Variants in XKR4 observed in about 807,000 individuals in gnomAD.
XKR4 encodes XK-related protein 4.
XKR4 carries 12 observed loss-of-function variants against 53.9 expected under a neutral mutation model. The observed-to-expected ratio is 0.22, with a 90% CI of 0.14 to 0.36. The LOEUF (loss-of-function observed/expected upper bound fraction) is 0.36, where lower values mean the gene tolerates loss of function less well. XKR4 is among the 10% of genes least tolerant of loss of function. The pLI, the probability that XKR4 is intolerant of heterozygous loss-of-function variation, is 1.00. For missense variants in XKR4, 799 were observed against 859.5 expected, an observed-to-expected ratio of 0.93 and a Z score of 0.88; for synonymous variants, 354 against 362.4, an observed-to-expected ratio of 0.98 and a Z score of 0.26.
chr8:55,286,912 C>A (rs1299297858), intron 1 of XKR4, among the ~76,000 whole-genome samples: 2 of 152,042 alleles, frequency 1.3e-5, no homozygotes, highest in African/African-American at 2.4e-5. Flanking sequence ...AAGTGATCAG[C>A]TACAGATTTT....
chr8:55,517,012 A>C, intron 2 of XKR4, among the ~76,000 whole-genome samples: 1 of 152,168 alleles, frequency 6.6e-6, no homozygotes, highest in Admixed American at 6.5e-5. Flanking sequence ...ATCCTAAGTG[A>C]AATAACTCAG....
At chr8:55,500,031 T>C (rs1806411873) in intron 2 of XKR4, among the ~76,000 whole-genome samples, 2 of 152,126 alleles carry the variant, frequency 1.3e-5, no homozygotes, top group Admixed American at 6.5e-5. Flanking sequence ...CCATCTTCCT[T>C]CTCTAGAGCT....
chr8:55,368,294 C>T (rs953131412), intron 2 of XKR4, among the ~76,000 whole-genome samples: 1 of 152,156 alleles, frequency 6.6e-6, no homozygotes, highest in Non-Finnish European at 1.5e-5. Context: ...CTCGTTAAAA[C>T]TCCCTGGGGA....
chr8:55,287,192 A>T (rs1009255903), intron 1 of XKR4, among the ~76,000 whole-genome samples: 3 of 152,148 alleles, frequency 2.0e-5, no homozygotes, highest in Admixed American at 2.0e-4. Flanking sequence ...TACAAAAACA[A>T]ATCACCAAAC....
At chr8:55,259,691 C>A (rs1042730822) in intron 1 of XKR4, among the ~76,000 whole-genome samples, 19 of 152,060 alleles carry the variant, frequency 1.2e-4, no homozygotes, top group African/African-American at 4.6e-4. Flanking sequence ...AAATTATTAG[C>A]CCTATTGATC....
chr8:55,438,310 G>A (rs1805207639), intron 2 of XKR4, among the ~76,000 whole-genome samples: 1 of 152,078 alleles, frequency 6.6e-6, no homozygotes, highest in Non-Finnish European at 1.5e-5. Context: ...ACAAAGAGAG[G>A]ATTGTGGTAG....
chr8:55,467,685 T>C (rs532328636), intron 2 of XKR4, among the ~76,000 whole-genome samples: 2 of 152,172 alleles, frequency 1.3e-5, no homozygotes, highest in Non-Finnish European at 2.9e-5. Flanking sequence ...CAGGCAAATG[T>C]TGTTGGCTTG....
In XKR4 at chr8:55,533,267, G is replaced by A. The variant is rs896489942; in HGVS notation, c.*9040G>A. 1 of 152,136 alleles carries A rather than the reference G, an allele frequency of 6.6e-6. No individual in the cohort carries two copies. The highest frequency in any genetic ancestry group is 2.4e-5 in the African/African-American group (1 of 41,428). 9.4% of individuals were successfully genotyped at this position (152,136 alleles called of 1,614,324 possible). A position where few individuals can be genotyped will look rare whatever the true frequency, so the allele number is the denominator to read the frequency against. On this transcript the variant is annotated 3_prime_UTR_variant, in exon 3 of 3. Coordinates refer to ENST00000327381, the MANE Select transcript of XKR4 (RefSeq NM_052898.2). ...AACCTTTGACCTGTGGTTTTCTGCTGAGCCCCTTGTGATTTTTTTTATTCT... is the reference window on the plus strand; with the variant it reads ...AACCTTTGACCTGTGGTTTTCTGCTAAGCCCCTTGTGATTTTTTTTATTCT...
chr8:55,512,567 AAT>A (rs1806644730), intron 2 of XKR4, among the ~76,000 whole-genome samples: 2 of 152,288 alleles, frequency 1.3e-5, no homozygotes, highest in East Asian at 1.9e-4. Flanking sequence ...GTATGTTGCA[AAT>A]ATATGTCTGT....
chr8:55,185,413 A>T (rs926897120), intron 1 of XKR4, among the ~76,000 whole-genome samples: 9 of 152,202 alleles, frequency 5.9e-5, no homozygotes, highest in Non-Finnish European at 1.5e-5. Context: ...CCTTTTCAAT[A>T]AACTATTTTT....
At chr8:55,104,466 ATG>A (rs1816110884) in intron 1 of XKR4, among the ~76,000 whole-genome samples, 1 of 152,180 alleles carries the variant, frequency 6.6e-6, no homozygotes, top group Non-Finnish European at 1.5e-5. Context: ...GTGATAAAAG[ATG>A]TGAGTTCTTG....
chr8:55,254,187 G>GAT (rs1288358285), intron 1 of XKR4, among the ~76,000 whole-genome samples: 2 of 151,948 alleles, frequency 1.3e-5, no homozygotes, highest in Non-Finnish European at 2.9e-5. Flanking sequence ...GAAAGAGAGA[G>GAT]ATATATATAG....
chr8:55,293,921 T>C (rs1419811551), intron 1 of XKR4, among the ~76,000 whole-genome samples: 1 of 152,242 alleles, frequency 6.6e-6, no homozygotes, highest in Non-Finnish European at 1.5e-5. Flanking sequence ...ATTTAAGCTG[T>C]TTATTCCAGT....
chr8:55,490,135 A>G (rs1023029477), intron 2 of XKR4, among the ~76,000 whole-genome samples: 1 of 152,204 alleles, frequency 6.6e-6, no homozygotes, highest in Non-Finnish European at 1.5e-5. Context: ...CTTTCCCTAC[A>G]ACATAAACTG....
At chr8:55,438,861 G>A (rs1195739518) in intron 2 of XKR4, among the ~76,000 whole-genome samples, 1 of 152,162 alleles carries the variant, frequency 6.6e-6, no homozygotes, top group African/African-American at 2.4e-5. Flanking sequence ...CAAGTATGAT[G>A]CTAGCTTTCA....
At chr8:55,273,142 CTGTG>C (rs5891567) in intron 1 of XKR4, among the ~76,000 whole-genome samples, 5,635 of 147,490 alleles carry the variant, frequency 0.038, 170 homozygotes, top group African/African-American at 0.091. Flanking sequence ...GAAAAGAGGA[CTGTG>C]TGTGTGTGTG....
At chr8:55,470,239 A>G (rs1400885678) in intron 2 of XKR4, among the ~76,000 whole-genome samples, 2 of 152,164 alleles carry the variant, frequency 1.3e-5, no homozygotes, top group African/African-American at 4.8e-5. Context: ...TTAGAATTCT[A>G]GAAGTTAAGG....
At chr8:55,326,124 G>T (rs1803288248) in intron 1 of XKR4, among the ~76,000 whole-genome samples, 1 of 152,154 alleles carries the variant, frequency 6.6e-6, no homozygotes, top group Non-Finnish European at 1.5e-5. Context: ...ACCTGATAAT[G>T]AGGGGTATTT....
At chr8:55,416,070 GC>G (rs1331741334) in intron 2 of XKR4, among the ~76,000 whole-genome samples, 2 of 152,016 alleles carry the variant, frequency 1.3e-5, no homozygotes, top group Admixed American at 1.3e-4. Context: ...TTCCACTCCC[GC>G]CATAATTTTT....
Sources: gnomAD v4.1 joint callset for allele counts (sites outside exome capture counted in the v4.1 genomes callset) on GRCh38, gnomAD v4.1.1 for gene constraint, MANE v1.5 for transcripts, NCBI Gene and HGNC (gene_info 2026-07-23, HGNC 2026-07-21) for gene names.